The following LAMB1 variants were observed in gnomAD, a reference collection of about 807,000 sequenced individuals.
The protein encoded by LAMB1 is laminin subunit beta-1.
A neutral mutation model predicts 222.3 loss-of-function variants in LAMB1; 121 were observed. That is an observed-to-expected ratio of 0.54 (90% CI 0.47 to 0.63). The LOEUF (loss-of-function observed/expected upper bound fraction) is 0.63, where lower values mean the gene tolerates loss of function less well. Ranked by LOEUF, LAMB1 falls within the 30% of genes least tolerant of loss-of-function variation. LAMB1 has a pLI of 0.00. For missense variants in LAMB1, 2,172 were observed against 2,240.8 expected, an observed-to-expected ratio of 0.97 and a Z score of 0.62; for synonymous variants, 794 against 807.2, an observed-to-expected ratio of 0.98 and a Z score of 0.28.
At chr7:107,980,926 T>G in intron 7 of LAMB1, 115 bp from the exon 8 acceptor site, 1 of 629,682 alleles carries the variant, frequency 1.6e-6, no homozygotes, top group Non-Finnish European at 2.8e-6. Flanking sequence ...ATAGCTTAAG[T>G]TCCTCCTCTT....
chr7:107,977,483 G>C lies in LAMB1; in HGVS notation c.1000+564C>G, dbSNP rs115746024. Among the ~76,000 whole-genome samples the C allele has an allele frequency of 7.9e-3, 1,206 of 152,074 alleles. 24 individuals carry two copies. Among genetic ancestry groups the C allele is most frequent in the African/African-American group, 0.027 (1,137 of 41,468 alleles). On this transcript the variant is annotated intron_variant, in intron 9 of 33. Coordinates refer to ENST00000222399, the MANE Select transcript of LAMB1 (RefSeq NM_002291.3). The stretch of plus-strand genomic sequence containing the variant: ...TATAGTTCTTTCATTTTTCTCTCAC[G>C]GTCATCTTGCCTTAAAAACAGCCCT...
chr7:108,001,976 A>C, intron 2 of LAMB1: 1 of 1,446,638 alleles, frequency 6.9e-7, no homozygotes, highest in Non-Finnish European at 9.1e-7. Context: ...CAGCAGCGAG[A>C]GCCTCCCTCC....
rs2230156 is a variant in LAMB1 at position 107,962,986 on chromosome 7, A to C, written c.1776T>G (p.Pro592=). 0.28 allele frequency: 450,499 copies of C among 1,613,256 alleles called. 63,936 individuals carry two copies. The highest frequency in any genetic ancestry group is 0.36 in the African/African-American group (26,749 of 74,888). The change falls in exon 15 of 34, where the codon CCT becomes CCG. Residue 592 remains proline (P), a synonymous_variant. Transcript: ENST00000222399. ...SWTGAGFVRV[P]EGAYLEFFID... Reference sequence around the variant, plus strand: ...TGAAAAACTCCAAATAAGCCCCTTCAGGCACTCGGACGAAGCCGGCTCCAG... The same window carrying C: ...TGAAAAACTCCAAATAAGCCCCTTCCGGCACTCGGACGAAGCCGGCTCCAG...
intron 24 of LAMB1, among the ~76,000 whole-genome samples, chr7:107,941,175 G>A (rs963869891): frequency 1.3e-5 from 2 of 152,202 alleles, no homozygotes; most frequent in Admixed American, 1.3e-4. Flanking sequence ...GTGCCGTACA[G>A]GACAAAATGT....
In LAMB1 at chr7:107,953,381, C is replaced by T. The variant is rs1033678103; in HGVS notation, c.3079+149G>A. On this transcript the variant is annotated intron_variant, in intron 22 of 33. Transcript: ENST00000222399. ...CATTAAAAAAAAAAAAAAAATTGGT[C>T]TCATCTTTCCTTAGTTGAAAGTGAA... is the stretch of plus-strand genomic sequence containing the variant. 2.9e-5 allele frequency: 18 copies of T among 628,984 alleles called. No homozygotes were observed. In the African/African-American group the frequency reaches 3.4e-4, roughly 12 times the overall value. The allele number at this position is 628,984 out of a possible 1,614,324, so 39.0% of individuals were successfully genotyped here. A position where few individuals can be genotyped will look rare whatever the true frequency, so the allele number is the denominator to read the frequency against.
intron 24 of LAMB1, 38 bp from the exon 25 acceptor site, chr7:107,940,396 T>C: frequency 6.3e-7 from 1 of 1,577,070 alleles, no homozygotes; most frequent in Non-Finnish European, 8.7e-7. Context: ...ATCTACTTAA[T>C]CATGAACCTC....
chr7:107,997,556 TA>T (rs1479220562), intron 4 of LAMB1, among the ~76,000 whole-genome samples: 1 of 152,228 alleles, frequency 6.6e-6, no homozygotes, highest in African/African-American at 2.4e-5. Context: ...TAAAGAAATC[TA>T]GTAGTCTCCA....
intron 25 of LAMB1, among the ~76,000 whole-genome samples, chr7:107,938,108 C>T (rs941604349): frequency 2.0e-5 from 3 of 152,062 alleles, no homozygotes; most frequent in Admixed American, 1.3e-4. Context: ...CTGGGTATTA[C>T]TGGTTCACCT....
At chr7:107,959,587 T>G in intron 19 of LAMB1, 104 bp downstream of exon 19, 1 of 1,610,922 alleles carries the variant, frequency 6.2e-7, no homozygotes, top group East Asian at 2.2e-5. Flanking sequence ...TGGGTTGGTG[T>G]GATCAACTTC....
intron 13 of LAMB1, among the ~76,000 whole-genome samples, chr7:107,967,500 T>G (rs1208552535): frequency 6.6e-6 from 1 of 152,236 alleles, no homozygotes; most frequent in Non-Finnish European, 1.5e-5. Context: ...CCATGATGCC[T>G]CTGCCTGGCT....
chr7:107,928,501 C>CTT lies in LAMB1; in HGVS notation c.4887+561_4887+562dup, dbSNP rs111568055. On this transcript the variant is annotated intron_variant, in intron 31 of 33. Coordinates refer to ENST00000222399, the MANE Select transcript of LAMB1 (RefSeq NM_002291.3). The stretch of plus-strand genomic sequence containing the variant: ...GCTGTTTCCTCAATGAATAGGAGTG[C>CTT]TTTTTTTTTTTTTGAGATGGAGTCT... Among the ~76,000 whole-genome samples, 7 of 144,836 alleles carry CTT rather than the reference C, an allele frequency of 4.8e-5. 1 individual carries two copies. The highest frequency in any genetic ancestry group is 4.4e-4 in the South Asian group (2 of 4,520).
chr7:108,002,137 G>A, intron 2 of LAMB1: 1 of 1,473,260 alleles, frequency 6.8e-7, no homozygotes, highest in Non-Finnish European at 9.1e-7. Context: ...CCACGCACGT[G>A]AACCCGCGTG....
rs772590137 is a variant in LAMB1, at chr7:107,937,234, C to CTT, written c.3803_3804dup (p.Val1269LysfsTer2). ...TGGGAAGTTGTGTCAGATAATTTCA[C>CTT]TTCTACTTGAGCCATCATTTCTGTA... is the stretch of plus-strand genomic sequence containing the variant. On this transcript the variant is annotated frameshift_variant, in exon 26 of 34. Coordinates refer to ENST00000222399, the MANE Select transcript of LAMB1 (RefSeq NM_002291.3). LOFTEE classifies it high-confidence loss of function. The CTT allele has an allele frequency of 6.7e-5, 108 of 1,613,882 alleles. No individual in the cohort carries two copies. Among genetic ancestry groups the CTT allele is most frequent in the Non-Finnish European group, 8.8e-5 (104 of 1,179,928 alleles).
intron 13 of LAMB1, among the ~76,000 whole-genome samples, chr7:107,965,804 TA>T (rs1413898981): frequency 6.6e-6 from 1 of 151,966 alleles, no homozygotes; most frequent in East Asian, 1.9e-4. Context: ...ACAGGCTTAT[TA>T]AAAATGTCCC....
chr7:107,976,969 CCCTCCTTCCTTCCTTTCCTCTT>C (rs2033875044), intron 9 of LAMB1, among the ~76,000 whole-genome samples: 12 of 125,842 alleles, frequency 9.5e-5, no homozygotes, highest in African/African-American at 3.3e-4. Flanking sequence ...CCTTTCCTCT[CCCTCCTTCCTTCCTTTCCTCTT>C]CCTCCTTCCT....
chr7:107,962,416 GA>G (rs201521354), intron 15 of LAMB1, among the ~76,000 whole-genome samples: 3,908 of 152,272 alleles, frequency 0.026, 182 homozygotes, highest in African/African-American at 0.089. Context: ...CTGGATTCAA[GA>G]AAATGGTACG....
rs538622720 is a variant in LAMB1, at chr7:107,987,943, A to G, written c.424-1580T>C. Among the ~76,000 whole-genome samples the G allele has an allele frequency of 2.7e-4, 41 of 152,352 alleles. No individual in the cohort carries two copies. The South Asian group carries it at 8.5e-3, about 32-fold the overall frequency. On this transcript the variant is annotated intron_variant, in intron 5 of 33. Transcript: ENST00000222399. ...GTTTTTGCAAGGAAAAGAGAACACT[A>G]AAAAATTTAAGTGGACAAATGAAAT...
In LAMB1 at chr7:107,961,593, G is replaced by A. The variant is rs754506839; in HGVS notation, c.1941C>T (p.Ile647=). 6.2e-7 allele frequency: 1 copy of A among 1,614,110 alleles called. No individual in the cohort carries two copies. Among genetic ancestry groups the A allele is most frequent in the Non-Finnish European group, 8.5e-7 (1 of 1,179,976 alleles). The change falls in exon 16 of 34, where the codon ATC becomes ATT. Residue 647 remains isoleucine (I), a synonymous_variant. Coordinates refer to ENST00000222399, the MANE Select transcript of LAMB1 (RefSeq NM_002291.3). The stretch of plus-strand genomic sequence containing the variant: ...ACACCACCTGGTTGTCATCATCGGG[G>A]ATGGTATTACCACATCGGCTGCTGG... ...IPTSSRCGNT[I]PDDDNQVVSL...
chr7:107,965,753 T>C (rs1192033323), intron 13 of LAMB1, among the ~76,000 whole-genome samples: 3 of 152,118 alleles, frequency 2.0e-5, no homozygotes, highest in Non-Finnish European at 4.4e-5. Flanking sequence ...TTAAACAAGG[T>C]ACCTAAGGCA....
Sources: gnomAD v4.1 joint callset for allele counts (sites outside exome capture counted in the v4.1 genomes callset) on GRCh38, gnomAD v4.1.1 for gene constraint, MANE v1.5 for transcripts, NCBI Gene and HGNC (gene_info 2026-07-23, HGNC 2026-07-21) for gene names.